Variants in ASCC3 observed in about 807,000 individuals in gnomAD.
ASCC3 encodes the protein activating signal cointegrator 1 complex subunit 3, also known as ASC-1 complex subunit P200.
A neutral mutation model predicts 256.3 loss-of-function variants in ASCC3; 158 were observed. That is an observed-to-expected ratio of 0.62 (90% CI 0.54 to 0.70). ASCC3 has a LOEUF of 0.70. ASCC3 is among the 30% of genes least tolerant of loss of function. The pLI, the probability that ASCC3 is intolerant of heterozygous loss-of-function variation, is 0.00. For missense variants in ASCC3, 2,259 were observed against 2,626.0 expected (o/e 0.86, Z 3.05); for synonymous variants, 948 against 883.4 (o/e 1.07, Z -1.30).
intron 8 of ASCC3, among the ~76,000 whole-genome samples, chr6:100,783,893 T>C (rs534139755): frequency 6.6e-6 from 1 of 151,754 alleles, no homozygotes; most frequent in Non-Finnish European, 1.5e-5. Flanking sequence ...AAGTGCATTA[T>C]TTCACTTAGC....
intron 13 of ASCC3, among the ~76,000 whole-genome samples, chr6:100,682,407 A>G (rs1458823585): frequency 6.6e-6 from 1 of 152,216 alleles, no homozygotes. Context: ...TGTAAAACAG[A>G]GTTAAAAAAT....
intron 14 of ASCC3, among the ~76,000 whole-genome samples, chr6:100,672,356 C>T (rs925397370): frequency 6.6e-6 from 1 of 151,986 alleles, no homozygotes; most frequent in Non-Finnish European, 1.5e-5. Flanking sequence ...GGTCTTACCT[C>T]CTTCTAGGAG....
chr6:100,548,020 T>C (rs1044945841), intron 36 of ASCC3, among the ~76,000 whole-genome samples: 1 of 151,652 alleles, frequency 6.6e-6, no homozygotes, highest in African/African-American at 2.4e-5. Flanking sequence ...AATAATTATG[T>C]TGAGTCAAAG....
chr6:100,630,494 T>TA lies in ASCC3; in HGVS notation c.4208+633dup, dbSNP rs753695266. Among the ~76,000 whole-genome samples, 10 of 151,448 alleles carry TA rather than the reference T, an allele frequency of 6.6e-5. No individual in the cohort carries two copies. The East Asian group carries it at 9.7e-4, about 15-fold the overall frequency. On this transcript the variant is annotated intron_variant, in intron 26 of 41. Transcript: ENST00000369162. ...ATATTTTTTTTTTGTTTTTTTTTTTTACATTATCTTTGGAGATCATTCTTT... is the reference window on the plus strand; with the variant it reads ...ATATTTTTTTTTTGTTTTTTTTTTTTAACATTATCTTTGGAGATCATTCTTT...
chr6:100,589,755 A>G lies in ASCC3; in HGVS notation c.5429T>C (p.Ile1810Thr). 6.2e-7 allele frequency: 1 copy of G among 1,613,752 alleles called. No individual in the cohort carries two copies. Among genetic ancestry groups the G allele is most frequent in the Non-Finnish European group, 8.5e-7 (1 of 1,179,796 alleles). The change falls in exon 36 of 42, where the codon ATT becomes ACT. Residue 1810 changes from isoleucine (I) to threonine (T), a missense_variant. Ile to Thr is a moderately conservative substitution (Grantham distance 89). This residue lies in a region of ASCC3 where 1,839 missense variants were observed against 2,206.7 expected (regional missense o/e 0.83). Transcript: ENST00000369162. ...AATTCGGCCATAAGTTAGAGGTTCA[A>G]TGCTGCGATTATCCTATTTCAAAAG... is the stretch of plus-strand genomic sequence containing the variant. ...CIEIGEDNRS[I>T]EPLTYGRIAS... is the part of the protein sequence containing the mutation.
intron 1 of ASCC3, among the ~76,000 whole-genome samples, chr6:100,874,971 A>C (rs941664646): frequency 5.3e-5 from 8 of 152,350 alleles, no homozygotes; most frequent in East Asian, 3.9e-4. Flanking sequence ...CTAAAAATGT[A>C]AGCAGAGACC....
At chr6:100,782,773 A>C (rs1337521616) in intron 8 of ASCC3, among the ~76,000 whole-genome samples, 1 of 151,776 alleles carries the variant, frequency 6.6e-6, no homozygotes, top group Non-Finnish European at 1.5e-5. Flanking sequence ...TTTTATGGCC[A>C]AAAAAAAGCA....
At chr6:100,602,726 T>A (rs1158417920) in intron 33 of ASCC3, among the ~76,000 whole-genome samples, 1 of 152,088 alleles carries the variant, frequency 6.6e-6, no homozygotes, top group Non-Finnish European at 1.5e-5. Context: ...TTAGGTGTTG[T>A]GGAGTACACA....
chr6:100,813,672 A>G (rs1053001964), intron 4 of ASCC3, among the ~76,000 whole-genome samples: 2 of 152,002 alleles, frequency 1.3e-5, no homozygotes, highest in Admixed American at 1.3e-4. Context: ...AAGTACCAAC[A>G]TATACTAATT....
chr6:100,722,038 T>C (rs1251515309), intron 11 of ASCC3, among the ~76,000 whole-genome samples: 2 of 151,814 alleles, frequency 1.3e-5, no homozygotes, highest in Non-Finnish European at 3.0e-5. Context: ...TCCATTTACA[T>C]TCTTCTGCAT....
At chr6:100,608,117 T>C (rs752915614) in intron 30 of ASCC3, among the ~76,000 whole-genome samples, 5 of 47,872 alleles carry the variant, frequency 1.0e-4, no homozygotes, top group African/African-American at 3.6e-4. Context: ...TGTATATATA[T>C]CTATATATAC....
chr6:100,809,175 A>G (rs980404081), intron 4 of ASCC3, among the ~76,000 whole-genome samples: 1 of 149,840 alleles, frequency 6.7e-6, no homozygotes, highest in Non-Finnish European at 1.5e-5. Context: ...TATTTTTTCA[A>G]AAAAAAAAAT....
Position 100,798,829 on chromosome 6 carries a change from G to C in ASCC3, c.1279C>G (p.Pro427Ala). The C allele has an allele frequency of 6.2e-7, 1 of 1,611,556 alleles. No homozygotes were observed. Reference sequence around the variant, plus strand: ...TTATTCTCTCTTTGGATTCCTTCTGGCAAAATCATCTATAAACATCAACAA... The same window carrying C: ...TTATTCTCTCTTTGGATTCCTTCTGCCAAAATCATCTATAAACATCAACAA... ...AFIAGAKMILPEGIQRENNKL... is the reference protein window; with the variant it reads ...AFIAGAKMILAEGIQRENNKL... Residue 427 changes from proline to alanine, a missense_variant, in exon 8 of 42, where the codon CCA becomes GCA. Coordinates refer to ENST00000369162, the MANE Select transcript of ASCC3 (RefSeq NM_006828.4).
intron 36 of ASCC3, among the ~76,000 whole-genome samples, chr6:100,544,096 G>A (rs565071354): frequency 1.3e-5 from 2 of 152,048 alleles, no homozygotes; most frequent in Non-Finnish European, 2.9e-5. Flanking sequence ...AATAAAACAG[G>A]AAATGAGAAA....
Position 100,589,667 on chromosome 6 carries a change from T to C in ASCC3, c.5517A>G (p.Glu1839=). 6.2e-7 allele frequency: 1 copy of C among 1,613,708 alleles called. No individual in the cohort carries two copies. The highest frequency in any genetic ancestry group is 8.5e-7 in the Non-Finnish European group (1 of 1,179,796). ...TTGAAAGCAGTTCTTCAGTACTGCATTCAGGCTTCAAGCGGTCCTTGAACA... is the reference window on the plus strand; with the variant it reads ...TTGAAAGCAGTTCTTCAGTACTGCACTCAGGCTTCAAGCGGTCCTTGAACA... ...VKMFKDRLKP[E]CSTEELLSIL... The change falls in exon 36 of 42, where the codon GAA becomes GAG. Residue 1839 remains glutamate (E), a synonymous_variant. Transcript: ENST00000369162.
At chr6:100,708,367 T>C (rs1245641361) in intron 13 of ASCC3, among the ~76,000 whole-genome samples, 1 of 152,180 alleles carries the variant, frequency 6.6e-6, no homozygotes, top group African/African-American at 2.4e-5. Context: ...ATTTGAATAC[T>C]GCCCAGTTGA....
At chr6:100,556,387 G>A (rs549542418) in intron 36 of ASCC3, among the ~76,000 whole-genome samples, 11 of 152,260 alleles carry the variant, frequency 7.2e-5, no homozygotes, top group South Asian at 2.1e-4. Context: ...AATAATCACT[G>A]AGGCTAAATT....
chr6:100,679,211 T>TAAA (rs36067632), intron 14 of ASCC3, among the ~76,000 whole-genome samples: 1 of 130,600 alleles, frequency 7.7e-6, no homozygotes, highest in African/African-American at 2.8e-5. Flanking sequence ...TTACATTGCT[T>TAAA]AAAAAAAAAA....
intron 13 of ASCC3, 141 bp downstream of exon 13, chr6:100,715,321 T>A: frequency 1.5e-6 from 1 of 679,264 alleles, no homozygotes. Flanking sequence ...AAAGCAGTTA[T>A]TAAGAATTAG....
Sources: allele counts gnomAD v4.1 joint callset (sites outside exome capture counted in the v4.1 genomes callset), GRCh38; gene constraint gnomAD v4.1.1; regional missense constraint gnomAD v4.1.1; transcripts MANE v1.5; gene names NCBI Gene and HGNC (gene_info 2026-07-23, HGNC 2026-07-21).